Variants in PVR observed in about 807,000 individuals in gnomAD.
PVR encodes PVR cell adhesion molecule, also known as poliovirus receptor.
Under a neutral mutation model 43.3 loss-of-function variants are expected in PVR, and 39 were observed. The ratio of observed to expected loss-of-function variants is 0.90; its 90% CI spans 0.70 to 1.18. The LOEUF is 1.18. Among genes scored for constraint, PVR ranks in the 50% most tolerant of loss-of-function variants. The probability of loss-of-function intolerance (pLI) is 0.00; values close to 1 mark genes in which losing one functional copy is unlikely to be tolerated. For synonymous variants in PVR, 224 were observed against 233.2 expected (o/e 0.96, Z 0.36); for missense variants, 480 against 549.7 (o/e 0.87, Z 1.27).
chr19:44,661,212 G>A, intron 6 of PVR, 80 bp from the exon 7 acceptor site: 1 of 1,373,632 alleles, frequency 7.3e-7, no homozygotes, highest in Non-Finnish European at 1.0e-6. Flanking sequence ...CATTTTCAGG[G>A]CCCTGACACC....
intron 4 of PVR, 109 bp from the exon 5 acceptor site, chr19:44,657,653 G>GCT: frequency 8.7e-7 from 1 of 1,143,298 alleles, no homozygotes; most frequent in South Asian, 1.4e-5. Context: ...GTTGCTCTCC[G>GCT]CTTATGCTAT....
intron 1 of PVR, among the ~76,000 whole-genome samples, chr19:44,645,114 ATATAATATAT>A (rs1287414147): frequency 6.6e-5 from 6 of 90,496 alleles, no homozygotes; most frequent in Non-Finnish European, 7.6e-5. Flanking sequence ...TTATAGTAAT[ATATAATATAT>A]TATAATATAT....
chr19:44,645,741 A>G (rs1973098793), intron 1 of PVR, among the ~76,000 whole-genome samples: 1 of 151,872 alleles, frequency 6.6e-6, no homozygotes. Flanking sequence ...TGGGAGGATC[A>G]CTTGAGCTTA....
Position 44,665,452 on chromosome 19 carries a change from G to C in PVR, c.*3641G>C, listed in dbSNP as rs1273013767. ...ACTTGAGGTAAGGAGTTCAAGACCA[G>C]ACCATAGTGAAACCGTGTCTCTACA... On this transcript the variant is annotated 3_prime_UTR_variant, in exon 8 of 8. Coordinates refer to ENST00000425690, the MANE Select transcript of PVR (RefSeq NM_006505.5). The C allele has an allele frequency of 6.6e-6, 1 of 152,026 alleles. No homozygotes were observed. The highest frequency in any genetic ancestry group is 1.5e-5 in the Non-Finnish European group (1 of 68,098). 9.4% of individuals were successfully genotyped at this position (152,026 alleles called of 1,614,324 possible).
At chr19:44,653,690 C>G in intron 3 of PVR, 1 of 539,208 alleles carries the variant, frequency 1.9e-6, no homozygotes, top group Admixed American at 2.6e-5. Flanking sequence ...AGCAGCTCCT[C>G]AGAAGCCTTC....
intron 1 of PVR, among the ~76,000 whole-genome samples, chr19:44,644,574 C>G (rs1973024083): frequency 6.6e-6 from 1 of 152,092 alleles, no homozygotes; most frequent in Non-Finnish European, 1.5e-5. Flanking sequence ...CAGGCCATAA[C>G]CCAGCAGCGT....
At position 44,647,361 on chromosome 19, in the gene PVR, G is replaced by GCAGCATGGC. The variant is rs770170932; in HGVS notation, c.220_228dup (p.Ser74_Ala76dup). The GCAGCATGGC allele has an allele frequency of 1.0e-4, 161 of 1,613,718 alleles. 1 individual carries two copies. The East Asian group carries it at 3.6e-3, about 36-fold the overall frequency. ...ACTTGGGCGCGGCATGGTGAATCTG[G>GCAGCATGGC]CAGCATGGCCGTCTTCCACCAAACG... On this transcript the variant is annotated inframe_insertion, in exon 2 of 8. Coordinates refer to ENST00000425690, the MANE Select transcript of PVR (RefSeq NM_006505.5).
At chr19:44,657,571 C>G (rs1480266956) in intron 4 of PVR, among the ~76,000 whole-genome samples, 191 bp from the exon 5 acceptor site, 4 of 152,116 alleles carry the variant, frequency 2.6e-5, no homozygotes, top group Admixed American at 6.5e-5. Context: ...GATCTTAAGG[C>G]GGGGCCGACA....
chr19:44,658,829 G>T lies in PVR; in HGVS notation c.1079G>T (p.Gly360Val). 1 of 1,614,084 alleles carries T rather than the reference G, an allele frequency of 6.2e-7. No individual in the cohort carries two copies. Among genetic ancestry groups the T allele is most frequent in the Non-Finnish European group, 8.5e-7 (1 of 1,179,964 alleles). Reference protein sequence around the residue: ...LGILVFLILLGIGIYFYWSKC... With the variant: ...LGILVFLILLVIGIYFYWSKC... Reference sequence around the variant, plus strand: ...ATCCTGGTTTTTCTGATCCTGCTGGGGATCGGGATTTATTTCTATTGGTCC... The same window carrying T: ...ATCCTGGTTTTTCTGATCCTGCTGGTGATCGGGATTTATTTCTATTGGTCC... Residue 360 changes from glycine to valine, a missense_variant, in exon 6 of 8, where the codon GGG (glycine) becomes GTG (valine). Transcript: ENST00000425690.
chr19:44,649,602 T>C lies in PVR; in HGVS notation c.428-207T>C, dbSNP rs112131050. Among the ~76,000 whole-genome samples the C allele has an allele frequency of 9.2e-5, 14 of 152,064 alleles. 2 individuals carry two copies. The highest frequency in any genetic ancestry group is 3.4e-4 in the African/African-American group (14 of 41,498). On this transcript the variant is annotated intron_variant, in intron 2 of 7. Transcript: ENST00000425690. ...GTGCCACCATACCCTGGCTAATTTTTAATAGAGACAGTTTCTCCATGTTGG... is the reference window on the plus strand; with the variant it reads ...GTGCCACCATACCCTGGCTAATTTTCAATAGAGACAGTTTCTCCATGTTGG...
intron 3 of PVR, among the ~76,000 whole-genome samples, chr19:44,652,725 G>A (rs1973317125): frequency 6.6e-6 from 1 of 151,552 alleles, no homozygotes; most frequent in African/African-American, 2.4e-5. Flanking sequence ...ATGTTGCCCA[G>A]GCTGGTCTCA....
Position 44,657,777 on chromosome 19 carries a change from G to A in PVR, c.858G>A (p.Leu286=). Residue 286 remains leucine, a synonymous_variant, in exon 5 of 8, where the codon CTG becomes CTA. Transcript: ENST00000425690. ...GYNWSTTMGP[L]PPFAVAQGAQ... is the part of the protein sequence containing the mutation. ...TCTCTCCCAGGACCATGGGTCCCCT[G>A]CCACCCTTTGCTGTGGCCCAGGGCG... The A allele has an allele frequency of 2.5e-6, 4 of 1,614,078 alleles. No individual in the cohort carries two copies. The highest frequency in any genetic ancestry group is 1.1e-5 in the South Asian group (1 of 91,082).
chr19:44,655,011 A>G (rs1973400333), intron 4 of PVR, among the ~76,000 whole-genome samples: 1 of 152,252 alleles, frequency 6.6e-6, no homozygotes, highest in Admixed American at 6.5e-5. Context: ...TGAGATCAAG[A>G]GCAAGGTAAG....
In PVR at chr19:44,663,742, C is replaced by CT. The variant is rs34238728; in HGVS notation, c.*1942dup. ...CCCAGGCACCTTAGGAACAGCTTGT[C>CT]TTTTTTTTTTTCCTCTCCAAAAAAA... is the stretch of plus-strand genomic sequence containing the variant. On this transcript the variant is annotated 3_prime_UTR_variant, in exon 8 of 8. Transcript: ENST00000425690. Among the ~76,000 whole-genome samples, 14 of 146,930 alleles carry CT rather than the reference C, an allele frequency of 9.5e-5. No individual in the cohort carries two copies. Among genetic ancestry groups the CT allele is most frequent in the Middle Eastern group, 3.5e-3 (1 of 286 alleles).
chr19:44,654,642 G>A lies in PVR; in HGVS notation c.842+625G>A, dbSNP rs117787860. Among the ~76,000 whole-genome samples the A allele has an allele frequency of 3.9e-3, 588 of 152,304 alleles. 8 individuals carry two copies. In the East Asian group the frequency reaches 0.046, roughly 12 times the overall value. ...GGGCAGAAGCGGCCCTTGAATCAGCGCTCGGCTCCAAAGCTGGTCCTCCGC... is the reference window on the plus strand; with the variant it reads ...GGGCAGAAGCGGCCCTTGAATCAGCACTCGGCTCCAAAGCTGGTCCTCCGC... On this transcript the variant is annotated intron_variant, in intron 4 of 7. Coordinates refer to ENST00000425690, the MANE Select transcript of PVR (RefSeq NM_006505.5).
At chr19:44,645,039 ATATAAT>A (rs1365643354) in intron 1 of PVR, among the ~76,000 whole-genome samples, 6 of 113,496 alleles carry the variant, frequency 5.3e-5, no homozygotes, top group South Asian at 4.5e-4. Flanking sequence ...AATATATAAT[ATATAAT>A]AAAATATATA....
chr19:44,658,929 A>G (rs1447001276), intron 6 of PVR, 29 bp downstream of exon 6: 3 of 1,607,250 alleles, frequency 1.9e-6, no homozygotes, highest in Non-Finnish European at 2.6e-6. Context: ...GCCGTAATTG[A>G]GCACCTACTA....
chr19:44,644,764 G>A (rs1282718373), intron 1 of PVR, among the ~76,000 whole-genome samples: 2 of 144,024 alleles, frequency 1.4e-5, no homozygotes, highest in Non-Finnish European at 3.0e-5. Flanking sequence ...CACCCAGGCT[G>A]GAGTGCAGTG....
chr19:44,650,557 T>C (rs1443308721), intron 3 of PVR, among the ~76,000 whole-genome samples: 1 of 150,116 alleles, frequency 6.7e-6, no homozygotes, highest in African/African-American at 2.5e-5. Flanking sequence ...CTTTTCTTTC[T>C]TTCCTTTTTT....
Sources: allele counts gnomAD v4.1 joint callset (sites outside exome capture counted in the v4.1 genomes callset), GRCh38; gene constraint gnomAD v4.1.1; transcripts MANE v1.5; gene names NCBI Gene and HGNC (gene_info 2026-07-23, HGNC 2026-07-21).